The following IL31RA variants were observed in gnomAD, a reference collection of about 807,000 sequenced individuals.
IL31RA encodes the protein interleukin 31 receptor A.
IL31RA carries 66 observed loss-of-function variants against 83.7 expected under a neutral mutation model. That is an observed-to-expected ratio of 0.79 (90% CI 0.65 to 0.97). The LOEUF is 0.97. Among genes scored for constraint, IL31RA ranks in the 50% least tolerant of loss-of-function variants. The pLI, the probability that IL31RA is intolerant of heterozygous loss-of-function variation, is 0.00. For missense variants in IL31RA, 798 were observed against 919.4 expected (o/e 0.87, Z 1.71); for synonymous variants, 325 against 329.0 (o/e 0.99, Z 0.13).
intron 5 of IL31RA, among the ~76,000 whole-genome samples, chr5:55,888,005 G>A (rs1488377843): frequency 5.3e-5 from 8 of 151,220 alleles, no homozygotes; most frequent in East Asian, 3.9e-4. Flanking sequence ...AGCCAAGATC[G>A]TGCCACTGCA....
At chr5:55,904,381 G>A (rs1375305706) in intron 8 of IL31RA, among the ~76,000 whole-genome samples, 1 of 152,162 alleles carries the variant, frequency 6.6e-6, no homozygotes, top group Non-Finnish European at 1.5e-5. Flanking sequence ...GCTGCTAGAA[G>A]AGTCTAGTTA....
rs748045378 is a variant in IL31RA at position 55,916,864 on chromosome 5, G to C, written c.2039G>C (p.Cys680Ser). 1.2e-6 allele frequency: 2 copies of C among 1,614,200 alleles called. No homozygotes were observed. The highest frequency in any genetic ancestry group is 1.7e-6 in the Non-Finnish European group (2 of 1,180,034). ...GTGACCTGCCCCTTCAGGCCTGATT[G>C]TCCCCTGGGGAAAAGTTTTGAGGAG... ...GYVTCPFRPD[C>S]PLGKSFEELP... is the part of the protein sequence containing the mutation. Residue 680 changes from cysteine (C) to serine (S), a missense_variant, in exon 15 of 15, where the codon TGT becomes TCT. Coordinates refer to ENST00000652347, the MANE Select transcript of IL31RA (RefSeq NM_139017.7).
intron 6 of IL31RA, among the ~76,000 whole-genome samples, chr5:55,890,502 T>A (rs1747918732): frequency 1.3e-5 from 2 of 152,156 alleles, no homozygotes; most frequent in Non-Finnish European, 2.9e-5. Context: ...CCCAAGTAGC[T>A]GGGATTACAG....
At chr5:55,873,558 C>T (rs917238152) in intron 4 of IL31RA, among the ~76,000 whole-genome samples, 9 of 152,120 alleles carry the variant, frequency 5.9e-5, no homozygotes, top group African/African-American at 2.2e-4. Flanking sequence ...CCCTCACCAA[C>T]ACTTGTTATT....
At chr5:55,908,922 T>C in intron 11 of IL31RA, 10 of 1,202,000 alleles carry the variant, frequency 8.3e-6, no homozygotes, top group Non-Finnish European at 1.0e-5. Context: ...GTTTAAACAT[T>C]TGAAAGTGTA....
chr5:55,879,207 A>T (rs997552434), intron 4 of IL31RA, among the ~76,000 whole-genome samples: 1 of 152,078 alleles, frequency 6.6e-6, no homozygotes, highest in East Asian at 1.9e-4. Flanking sequence ...TGTTCTCTTT[A>T]GTTGGTAGAA....
chr5:55,897,374 G>A (rs1054747761), intron 7 of IL31RA, among the ~76,000 whole-genome samples: 1 of 151,798 alleles, frequency 6.6e-6, no homozygotes, highest in Non-Finnish European at 1.5e-5. Context: ...ATTAACATTC[G>A]GGGTGGGTAG....
intron 4 of IL31RA, among the ~76,000 whole-genome samples, chr5:55,875,812 A>C (rs73116486): frequency 0.01 from 1,579 of 152,292 alleles, 32 homozygotes; most frequent in African/African-American, 0.036. Context: ...TGTAATTGCC[A>C]CTGCTTAAAA....
chr5:55,911,956 C>T lies in IL31RA; in HGVS notation c.1642+1284C>T, dbSNP rs78682951. Among the ~76,000 whole-genome samples, 730 of 152,168 alleles carry T rather than the reference C, an allele frequency of 4.8e-3. 4 individuals carry two copies. The highest frequency in any genetic ancestry group is 0.017 in the African/African-American group (700 of 41,530). On this transcript the variant is annotated intron_variant, in intron 12 of 14. Transcript: ENST00000652347. ...TGACATGTTTTTTTTACAGAGAAAA[C>T]ATATTCTGTTTTGATGGACTAACAT...
rs1750093591 is a variant in IL31RA at position 55,921,664 on chromosome 5, T to C, written c.*4544T>C. Among the ~76,000 whole-genome samples, 2 of 152,232 alleles carry C rather than the reference T, an allele frequency of 1.3e-5. No homozygotes were observed. The highest frequency in any genetic ancestry group is 4.8e-5 in the African/African-American group (2 of 41,448). ...GAATCAGCTGTCTACCACTGTGAGC[T>C]TGATTTTGTCAATTTATCGGGAATA... On this transcript the variant is annotated 3_prime_UTR_variant, in exon 15 of 15. Coordinates refer to ENST00000652347, the MANE Select transcript of IL31RA (RefSeq NM_139017.7).
chr5:55,904,835 C>CT (rs10651049), intron 8 of IL31RA, among the ~76,000 whole-genome samples: 29,040 of 132,812 alleles, frequency 0.22, 3,453 homozygotes, highest in Middle Eastern at 0.31. Context: ...TTTTGGGTTT[C>CT]TTTTTTTTTT....
chr5:55,868,776 G>A lies in IL31RA; in HGVS notation c.155-15G>A. 1 of 1,383,134 alleles carries A rather than the reference G, an allele frequency of 7.2e-7. No homozygotes were observed. The highest frequency in any genetic ancestry group is 1.0e-6 in the Non-Finnish European group (1 of 969,862). The allele number at this position is 1,383,134 out of a possible 1,614,324, so 85.7% of individuals were successfully genotyped here. On this transcript the variant is annotated splice_polypyrimidine_tract_variant and intron_variant, in intron 2 of 14. Coordinates refer to ENST00000652347, the MANE Select transcript of IL31RA (RefSeq NM_139017.7). ...AATTTTTGTGTTTGTGTGTGTGTGTGTTTAATTTATTTAGCTCTGCCAGCT... is the reference window on the plus strand; with the variant it reads ...AATTTTTGTGTTTGTGTGTGTGTGTATTTAATTTATTTAGCTCTGCCAGCT...
chr5:55,883,831 T>C (rs2112443956), intron 5 of IL31RA, among the ~76,000 whole-genome samples: 1 of 152,306 alleles, frequency 6.6e-6, no homozygotes, highest in South Asian at 2.1e-4. Flanking sequence ...AAGCGCCCAG[T>C]AGAAATAGAG....
At chr5:55,896,920 G>C (rs1324024683) in intron 7 of IL31RA, among the ~76,000 whole-genome samples, 1 of 82,394 alleles carries the variant, frequency 1.2e-5, no homozygotes, top group African/African-American at 4.6e-5. Flanking sequence ...GGGCTCAAGT[G>C]ATCCTCCCAC....
the IL31RA span, among the ~76,000 whole-genome samples, chr5:55,842,149 A>C: frequency 6.6e-6 from 1 of 152,004 alleles, no homozygotes; most frequent in Non-Finnish European, 1.5e-5. Flanking sequence ...TGATTTGTAG[A>C]CACATCATGC....
rs145641572 is a variant in IL31RA, at chr5:55,863,773, C to T, written c.154+4174C>T. ...ATCATTTTTGGAACCACTTACTCTT[C>T]TCCTGGTGGCTCCAAAAATCATTGA... On this transcript the variant is annotated intron_variant, in intron 2 of 14. Transcript: ENST00000652347. 1.1e-3 allele frequency among the ~76,000 whole-genome samples: 168 copies of T among 152,338 alleles called. 1 individual carries two copies. The highest frequency in any genetic ancestry group is 3.8e-3 in the African/African-American group (157 of 41,582).
rs555307080 is a variant in IL31RA at position 55,918,698 on chromosome 5, C to T, written c.*1578C>T. ...CCTGTCCCTGTTGGGTCACCTACCA[C>T]TTACCTTAGCCAATTGCTGCCTCGT... On this transcript the variant is annotated 3_prime_UTR_variant, in exon 15 of 15. Transcript: ENST00000652347. Among the ~76,000 whole-genome samples the T allele has an allele frequency of 7.2e-5, 11 of 152,296 alleles. No homozygotes were observed. In the South Asian group the frequency reaches 2.1e-3, roughly 29 times the overall value.
At chr5:55,840,201 C>T in the IL31RA span, among the ~76,000 whole-genome samples, 75 of 152,282 alleles carry the variant, frequency 4.9e-4, no homozygotes, top group Non-Finnish European at 9.0e-4. Flanking sequence ...TACTACTGTT[C>T]ATCTCTTTCT....
rs185273897 is a variant in IL31RA, at chr5:55,914,013, C to G, written c.1736+443C>G. On this transcript the variant is annotated intron_variant, in intron 13 of 14. Coordinates refer to ENST00000652347, the MANE Select transcript of IL31RA (RefSeq NM_139017.7). ...CTGGCCAGTCGTCTGTGGGTGCAAG[C>G]TTATTGCTTGCTTGTGGTGCAGTGT... Among the ~76,000 whole-genome samples the G allele has an allele frequency of 2.3e-4, 35 of 152,350 alleles. 2 individuals are homozygous for G. In the East Asian group the frequency reaches 5.2e-3, roughly 23 times the overall value.
Sources: gnomAD v4.1 joint callset for allele counts (sites outside exome capture counted in the v4.1 genomes callset) on GRCh38, gnomAD v4.1.1 for gene constraint, MANE v1.5 for transcripts, NCBI Gene and HGNC (gene_info 2026-07-23, HGNC 2026-07-21) for gene names.